The following XKR9 variants were observed in gnomAD, a reference collection of about 807,000 sequenced individuals.
XKR9 encodes the protein XK related 9.
XKR9 carries 32 observed loss-of-function variants against 32.0 expected under a neutral mutation model. The ratio of observed to expected loss-of-function variants is 1.00; its 90% CI spans 0.76 to 1.34. XKR9 has a LOEUF of 1.34. Among genes scored for constraint, XKR9 ranks in the 40% most tolerant of loss-of-function variants. The pLI, the probability that XKR9 is intolerant of heterozygous loss-of-function variation, is 0.00. For synonymous variants in XKR9, 168 were observed against 143.4 expected, an observed-to-expected ratio of 1.17 and a Z score of -1.22; for missense variants, 546 against 429.7, an observed-to-expected ratio of 1.27 and a Z score of -2.39.
intron 1 of XKR9, among the ~76,000 whole-genome samples, chr8:70,674,586 T>C (rs1041506995): frequency 6.6e-6 from 1 of 152,236 alleles, no homozygotes; most frequent in Non-Finnish European, 1.5e-5. Flanking sequence ...TGTATTTTCT[T>C]GACTTATTTG....
chr8:70,855,183 G>C, the XKR9 span, among the ~76,000 whole-genome samples: 1 of 151,988 alleles, frequency 6.6e-6, no homozygotes, highest in African/African-American at 2.4e-5. Context: ...CTACTCCGAG[G>C]TAAAGGAGGA....
chr8:70,740,790 G>A (rs1473694918), downstream of XKR9, among the ~76,000 whole-genome samples: 5 of 152,228 alleles, frequency 3.3e-5, no homozygotes, highest in East Asian at 5.8e-4. Context: ...GGATTTTCGT[G>A]AACCACGAAT....
chr8:70,879,403 A>G, the XKR9 span, among the ~76,000 whole-genome samples: 1 of 152,168 alleles, frequency 6.6e-6, no homozygotes, highest in Non-Finnish European at 1.5e-5. Flanking sequence ...AAATTGATAG[A>G]CCACTAGTAA....
chr8:71,063,956 A>G, the XKR9 span, among the ~76,000 whole-genome samples: 1 of 152,198 alleles, frequency 6.6e-6, no homozygotes. Context: ...ATATATGTGT[A>G]TCTTTTACCT....
At chr8:70,969,399 C>T in the XKR9 span, among the ~76,000 whole-genome samples, 2 of 152,070 alleles carry the variant, frequency 1.3e-5, no homozygotes, top group Non-Finnish European at 2.9e-5. Context: ...TCAGGATAAA[C>T]TCATTAGAAA....
chr8:70,902,585 C>G, the XKR9 span, among the ~76,000 whole-genome samples: 1 of 152,108 alleles, frequency 6.6e-6, no homozygotes, highest in Non-Finnish European at 1.5e-5. Flanking sequence ...AATATACAAT[C>G]ATGTCATTTG....
At chr8:70,793,793 C>G (rs1390141355), downstream of XKR9, among the ~76,000 whole-genome samples, 1 of 151,840 alleles carries the variant, frequency 6.6e-6, no homozygotes, top group Non-Finnish European at 1.5e-5. Context: ...TGTGAGTTCT[C>G]TAACTTTGTC....
At chr8:71,061,736 G>C in the XKR9 span, among the ~76,000 whole-genome samples, 6 of 152,158 alleles carry the variant, frequency 3.9e-5, no homozygotes, top group Admixed American at 2.0e-4. Flanking sequence ...CCAAGGGAGT[G>C]AGAAGCCACC....
At chr8:70,973,654 G>A in the XKR9 span, among the ~76,000 whole-genome samples, 1 of 151,952 alleles carries the variant, frequency 6.6e-6, no homozygotes, top group African/African-American at 2.4e-5. Context: ...GGTTTAATAG[G>A]TTGTACCACT....
At chr8:70,691,793 C>T (rs1235109875) in intron 3 of XKR9, among the ~76,000 whole-genome samples, 2 of 152,020 alleles carry the variant, frequency 1.3e-5, no homozygotes, top group Non-Finnish European at 2.9e-5. Flanking sequence ...TGTACTGGTA[C>T]CATATTGTTT....
At chr8:70,939,191 G>C in the XKR9 span, among the ~76,000 whole-genome samples, 1 of 152,082 alleles carries the variant, frequency 6.6e-6, no homozygotes, top group African/African-American at 2.4e-5. Flanking sequence ...ATCACTTCCT[G>C]TAAGCATCTT....
At chr8:70,687,870 T>C (rs1819361460) in intron 3 of XKR9, among the ~76,000 whole-genome samples, 3 of 152,236 alleles carry the variant, frequency 2.0e-5, no homozygotes, top group African/African-American at 7.2e-5. Flanking sequence ...GTCTAACATA[T>C]GGTCCATCTT....
At chr8:70,967,147 C>T in the XKR9 span, among the ~76,000 whole-genome samples, 1 of 147,722 alleles carries the variant, frequency 6.8e-6, no homozygotes, top group Admixed American at 6.9e-5. Flanking sequence ...ACTGCAAGCT[C>T]CACCTCCTGG....
At chr8:70,916,355 TC>T in the XKR9 span, among the ~76,000 whole-genome samples, 9 of 152,334 alleles carry the variant, frequency 5.9e-5, no homozygotes, top group East Asian at 1.7e-3. Context: ...GGTAAGTTTT[TC>T]CTTGGCCCCT....
At chr8:70,731,437 C>T (rs998565603) in intron 4 of XKR9, among the ~76,000 whole-genome samples, 2 of 152,074 alleles carry the variant, frequency 1.3e-5, no homozygotes, top group Admixed American at 1.3e-4. Context: ...GGGGTTCAAG[C>T]CACTTTACAA....
At chr8:70,796,606 C>G in the XKR9 span, among the ~76,000 whole-genome samples, 1 of 152,076 alleles carries the variant, frequency 6.6e-6, no homozygotes, top group East Asian at 1.9e-4. Context: ...GACTTGAAAT[C>G]TCTCTTTTGT....
At chr8:71,052,673 T>C in the XKR9 span, among the ~76,000 whole-genome samples, 5 of 152,356 alleles carry the variant, frequency 3.3e-5, no homozygotes, top group East Asian at 7.7e-4. Flanking sequence ...CTCTCCTTTC[T>C]GCTGGCATGC....
chr8:70,979,619 C>A, the XKR9 span, among the ~76,000 whole-genome samples: 1 of 152,196 alleles, frequency 6.6e-6, no homozygotes, highest in Non-Finnish European at 1.5e-5. Flanking sequence ...CCTGATCCTT[C>A]CTCTGGCAGC....
downstream of XKR9, among the ~76,000 whole-genome samples, chr8:70,740,077 C>G (rs1018813552): frequency 5.3e-5 from 8 of 152,272 alleles, no homozygotes; most frequent in Middle Eastern, 3.4e-3. Flanking sequence ...CAACTTGGTT[C>G]CATTCTGCCC....
Sources: allele counts gnomAD v4.1 joint callset (sites outside exome capture counted in the v4.1 genomes callset), GRCh38; gene constraint gnomAD v4.1.1; transcripts MANE v1.5; gene names NCBI Gene and HGNC (gene_info 2026-07-23, HGNC 2026-07-21).